Variants in ZFYVE26 observed in about 807,000 individuals in gnomAD.
The protein encoded by ZFYVE26 is zinc finger FYVE-type containing 26, also known as zinc finger FYVE domain-containing protein 26.
ZFYVE26 carries 181 observed loss-of-function variants against 276.5 expected under a neutral mutation model. The observed-to-expected ratio is 0.65, with a 90% CI of 0.58 to 0.74. ZFYVE26 has a LOEUF of 0.74. Ranked by LOEUF, ZFYVE26 falls within the 30% of genes least tolerant of loss-of-function variation. ZFYVE26 has a pLI of 0.00. For missense variants in ZFYVE26, 2,821 were observed against 3,097.9 expected, an observed-to-expected ratio of 0.91 and a Z score of 2.12; for synonymous variants, 1,129 against 1,203.1, an observed-to-expected ratio of 0.94 and a Z score of 1.27.
In ZFYVE26 at chr14:67,802,239, C is replaced by A. The variant is rs758015367; in HGVS notation, c.1479G>T (p.Gln493His). 4 of 1,614,220 alleles carry A rather than the reference C, an allele frequency of 2.5e-6. No individual in the cohort carries two copies. Among genetic ancestry groups the A allele is most frequent in the Non-Finnish European group, 3.4e-6 (4 of 1,180,044 alleles). ...APVPEHLSQC[Q>H]NLTLYQGFCA... ...AGAAGCCCTGGTAGAGTGTCAGGTT[C>A]TGACACTGGCTCAGGTGCTCAGGGA... Residue 493 changes from glutamine to histidine, a missense_variant, in exon 10 of 42, where the codon CAG becomes CAT. Gln to His is a conservative substitution (Grantham distance 24). Coordinates refer to ENST00000347230, the MANE Select transcript of ZFYVE26 (RefSeq NM_015346.4).
At chr14:67,769,397 C>T (rs1230279967) in intron 29 of ZFYVE26, among the ~76,000 whole-genome samples, 197 bp downstream of exon 29, 4 of 152,174 alleles carry the variant, frequency 2.6e-5, no homozygotes, top group Non-Finnish European at 4.4e-5. Flanking sequence ...TTCCTCTCAC[C>T]CTACTTTCTC....
intron 20 of ZFYVE26, 70 bp from the exon 21 acceptor site, chr14:67,783,595 C>A: frequency 6.3e-7 from 1 of 1,585,048 alleles, no homozygotes. Context: ...CTTACAATTT[C>A]TTTATGCTTA....
chr14:67,762,133 C>G (rs554480807), intron 34 of ZFYVE26, 70 bp downstream of exon 34: 2 of 1,555,774 alleles, frequency 1.3e-6, no homozygotes, highest in East Asian at 2.2e-5. Context: ...TCCACTGATT[C>G]TTTTCCCAGG....
At chr14:67,805,752 G>C in intron 6 of ZFYVE26, 134 bp from the exon 7 acceptor site, 1 of 1,055,634 alleles carries the variant, frequency 9.5e-7, no homozygotes, top group Non-Finnish European at 1.4e-6. Flanking sequence ...TGGTTGGCTG[G>C]GCGTAGTGGC....
chr14:67,742,838 C>CTTTTTTTTTTTTTTTTTTTTTTTT (rs71446342), downstream of ZFYVE26, among the ~76,000 whole-genome samples: 11 of 89,768 alleles, frequency 1.2e-4, no homozygotes, highest in South Asian at 3.4e-4. Flanking sequence ...TCTTCTTCTT[C>CTTTTTTTTTTTTTTTTTTTTTTTT]TTTTTTTTTT....
At chr14:67,790,901 G>T (rs1358010285) in intron 14 of ZFYVE26, 128 bp from the exon 15 acceptor site, 13 of 843,998 alleles carry the variant, frequency 1.5e-5, no homozygotes, top group Non-Finnish European at 2.2e-5. Flanking sequence ...AGGGTCAGAA[G>T]AGCACTGAAT....
Position 67,784,198 on chromosome 14 carries a change from A to G in ZFYVE26, c.3626+136T>C, listed in dbSNP as rs574544730. ...CAAGGCACATTAAATTTTCAGTTAT[A>G]TAAGAATAAAAAATTCAGTCAGGAA... On this transcript the variant is annotated intron_variant, in intron 20 of 41. Coordinates refer to ENST00000347230, the MANE Select transcript of ZFYVE26 (RefSeq NM_015346.4). 103 of 781,624 alleles carry G rather than the reference A, an allele frequency of 1.3e-4. No homozygotes were observed. The African/African-American group carries it at 1.5e-3, about 12-fold the overall frequency. The allele number at this position is 781,624 out of a possible 1,614,324, so 48.4% of individuals were successfully genotyped here.
intron 10 of ZFYVE26, among the ~76,000 whole-genome samples, chr14:67,800,610 T>C (rs938296600): frequency 1.2e-4 from 19 of 152,172 alleles, no homozygotes; most frequent in African/African-American, 4.3e-4. Flanking sequence ...ATCCAGTTGT[T>C]ATAGTGAACT....
At chr14:67,793,549 T>C (rs2039875168) in intron 14 of ZFYVE26, 59 bp downstream of exon 14, 3 of 1,581,922 alleles carry the variant, frequency 1.9e-6, no homozygotes, top group Non-Finnish European at 2.6e-6. Context: ...TTGTACATGC[T>C]CCGAGCCTTA....
chr14:67,751,821 T>C (rs945416890), intron 40 of ZFYVE26, among the ~76,000 whole-genome samples: 2 of 151,018 alleles, frequency 1.3e-5, no homozygotes, highest in African/African-American at 4.9e-5. Context: ...TGCAGTGAGC[T>C]GAGATACTCC....
intron 3 of ZFYVE26, among the ~76,000 whole-genome samples, chr14:67,811,535 G>A (rs545419214): frequency 6.6e-6 from 1 of 152,076 alleles, no homozygotes; most frequent in Non-Finnish European, 1.5e-5. Flanking sequence ...AGAAGATTTT[G>A]GTTTCAGCAG....
chr14:67,816,044 C>G lies in ZFYVE26; in HGVS notation c.-81G>C. On this transcript the variant is annotated splice_region_variant and 5_prime_UTR_variant, in exon 2 of 42. Coordinates refer to ENST00000347230, the MANE Select transcript of ZFYVE26 (RefSeq NM_015346.4). ...CTCAATGTTCTCATTCGCGGAGTAC[C>G]TCCTAGAAACAACACAACGCCAGTG... 8.4e-7 allele frequency: 1 copy of G among 1,190,716 alleles called. No homozygotes were observed. Among genetic ancestry groups the G allele is most frequent in the African/African-American group, 1.5e-5 (1 of 65,168 alleles). 73.8% of individuals were successfully genotyped at this position (1,190,716 alleles called of 1,614,324 possible). A position where few individuals can be genotyped will look rare whatever the true frequency, so the allele number is the denominator to read the frequency against.
At position 67,754,061 on chromosome 14, in the gene ZFYVE26, CT is replaced by C. The variant is rs775734318; in HGVS notation, c.7128+9del. 3.7e-6 allele frequency: 6 copies of C among 1,614,238 alleles called. No individual in the cohort carries two copies. Among genetic ancestry groups the C allele is most frequent in the Middle Eastern group, 1.6e-4 (1 of 6,062 alleles). On this transcript the variant is annotated intron_variant, in intron 38 of 41. Transcript: ENST00000347230. ...AATAGTCTGCCAGAGGTCTGAAACG[CT>C]GCATGTACCTTGCAGGCAACATCCA...
chr14:67,762,467 T>TC, intron 33 of ZFYVE26, 55 bp from the exon 34 acceptor site: 1 of 1,571,166 alleles, frequency 6.4e-7, no homozygotes, highest in Non-Finnish European at 8.7e-7. Context: ...GGCCTAAATG[T>TC]CCCAAAGACC....
In ZFYVE26 at chr14:67,798,149, G is replaced by T. The variant is rs781458095; in HGVS notation, c.2113C>A (p.Pro705Thr). 6 of 1,614,094 alleles carry T rather than the reference G, an allele frequency of 3.7e-6. No homozygotes were observed. The highest frequency in any genetic ancestry group is 5.1e-6 in the Non-Finnish European group (6 of 1,179,982). Reference sequence around the variant, plus strand: ...TGACTTTCTTGCTTTGGCTTCTCAGGAGGGCTGCGGCTACTGATCTCATCC... The same window carrying T: ...TGACTTTCTTGCTTTGGCTTCTCAGTAGGGCTGCGGCTACTGATCTCATCC... ...QLDEISSRSP[P>T]EKPKQESQSC... The change falls in exon 11 of 42, where the codon CCT (proline) becomes ACT (threonine). Residue 705 changes from proline to threonine, a missense_variant. Pro to Thr is a conservative substitution (Grantham distance 38, BLOSUM62 -1). Transcript: ENST00000347230.
At chr14:67,788,335 G>A (rs1376334841) in intron 16 of ZFYVE26, among the ~76,000 whole-genome samples, 1 of 152,204 alleles carries the variant, frequency 6.6e-6, no homozygotes, top group Non-Finnish European at 1.5e-5. Flanking sequence ...GTTGCAGTGA[G>A]CAGTGAGCCG....
chr14:67,765,481 G>C lies in ZFYVE26; in HGVS notation c.6011+746C>G, dbSNP rs140406274. 2.3e-4 allele frequency among the ~76,000 whole-genome samples: 35 copies of C among 152,274 alleles called. No individual in the cohort carries two copies. In the East Asian group the frequency reaches 6.8e-3, roughly 29 times the overall value. The stretch of plus-strand genomic sequence containing the variant: ...CTCCATGCTGGCTGCTGAGTCTGTA[G>C]GCAAGTATTCCAAGCAAATGTCTGA... On this transcript the variant is annotated intron_variant, in intron 32 of 41. Transcript: ENST00000347230.
At chr14:67,736,562 T>C (rs2038354552) in intron 13 of ZFYVE26, among the ~76,000 whole-genome samples, 2 of 152,014 alleles carry the variant, frequency 1.3e-5, no homozygotes, top group East Asian at 1.9e-4. Context: ...TAGAAGAATA[T>C]CTTTATGCCC....
intron 12 of ZFYVE26, among the ~76,000 whole-genome samples, chr14:67,795,436 A>G (rs1277473347): frequency 6.6e-6 from 1 of 152,234 alleles, no homozygotes; most frequent in Non-Finnish European, 1.5e-5. Flanking sequence ...TGACATCTGC[A>G]GGTCATGCTG....
Sources: gnomAD v4.1 joint callset for allele counts (sites outside exome capture counted in the v4.1 genomes callset) on GRCh38, gnomAD v4.1.1 for gene constraint, MANE v1.5 for transcripts, NCBI Gene and HGNC (gene_info 2026-07-23, HGNC 2026-07-21) for gene names.